The following AGBL1 variants were observed in gnomAD, a reference collection of about 807,000 sequenced individuals.
AGBL1 encodes the protein cytosolic carboxypeptidase 4.
AGBL1 carries 130 observed loss-of-function variants against 118.9 expected under a neutral mutation model. That is an observed-to-expected ratio of 1.09 (90% CI 0.95 to 1.26). The LOEUF (loss-of-function observed/expected upper bound fraction) is 1.26, where lower values mean the gene tolerates loss of function less well. Ranked by LOEUF, AGBL1 falls within the 50% of genes most tolerant of loss-of-function variation. The probability of loss-of-function intolerance (pLI) is 0.00; values close to 1 mark genes in which losing one functional copy is unlikely to be tolerated. For missense variants in AGBL1, 1,584 were observed against 1,298.1 expected (o/e 1.22, Z -3.38); for synonymous variants, 555 against 478.9 (o/e 1.16, Z -2.08).
At chr15:86,557,564 G>A (rs764583737) in intron 21 of AGBL1, among the ~76,000 whole-genome samples, 4 of 152,130 alleles carry the variant, frequency 2.6e-5, no homozygotes, top group African/African-American at 4.8e-5. Flanking sequence ...CTCTACCTGC[G>A]AGCTGCATCC....
chr15:86,911,189 T>G lies in AGBL1; in HGVS notation c.*3895T>G, dbSNP rs1258555856. 1 of 152,516 alleles carries G rather than the reference T, an allele frequency of 6.6e-6. No individual in the cohort carries two copies. Among genetic ancestry groups the G allele is most frequent in the Admixed American group, 6.5e-5 (1 of 15,278 alleles). The allele number at this position is 152,516 out of a possible 1,614,324, so 9.4% of individuals were successfully genotyped here. On this transcript the variant is annotated 3_prime_UTR_variant, in exon 23 of 23. Coordinates refer to ENST00000614907, the MANE Select transcript of AGBL1 (RefSeq NM_001386094.1). ...GTTGGGGCAGGCCAAGTGCATGCTG[T>G]CCTGTACCAACTGTCATCCGGTGCT...
At chr15:86,645,966 C>T (rs759069014) in intron 21 of AGBL1, among the ~76,000 whole-genome samples, 1 of 152,176 alleles carries the variant, frequency 6.6e-6, no homozygotes, top group African/African-American at 2.4e-5. Context: ...CTTCTGACCA[C>T]ATGTCAATCA....
intron 20 of AGBL1, among the ~76,000 whole-genome samples, chr15:86,553,360 T>C (rs911117738): frequency 1.2e-4 from 19 of 152,078 alleles, no homozygotes; most frequent in Non-Finnish European, 5.9e-5. Flanking sequence ...TCAATCAGGG[T>C]GTCAAGTGTC....
At chr15:86,145,246 C>T (rs990644614) in intron 3 of AGBL1, among the ~76,000 whole-genome samples, 1 of 152,204 alleles carries the variant, frequency 6.6e-6, no homozygotes, top group Non-Finnish European at 1.5e-5. Context: ...ATTCAATCCA[C>T]TACAAGTCAC....
chr15:86,993,730 A>G (rs1248381885), intron 24 of AGBL1, among the ~76,000 whole-genome samples: 1 of 152,178 alleles, frequency 6.6e-6, no homozygotes, highest in Non-Finnish European at 1.5e-5. Flanking sequence ...ATCTATCTAA[A>G]TCCAACAGTT....
chr15:86,809,149 A>G (rs956587168), intron 22 of AGBL1, among the ~76,000 whole-genome samples: 11 of 152,194 alleles, frequency 7.2e-5, no homozygotes, highest in African/African-American at 2.4e-4. Flanking sequence ...CCGGCTAGAC[A>G]GTGACAGATT....
chr15:86,906,324 T>G (rs2080279191), intron 22 of AGBL1, among the ~76,000 whole-genome samples: 1 of 152,354 alleles, frequency 6.6e-6, no homozygotes, highest in Middle Eastern at 3.4e-3. Flanking sequence ...AAAGTTTTTG[T>G]TAATGTTCGT....
chr15:86,388,140 C>G (rs2081224042), intron 17 of AGBL1, among the ~76,000 whole-genome samples: 1 of 152,128 alleles, frequency 6.6e-6, no homozygotes. Flanking sequence ...GCAGACAAAC[C>G]CTGCTCATCT....
intron 22 of AGBL1, among the ~76,000 whole-genome samples, chr15:86,855,846 G>A (rs2141469079): frequency 6.6e-6 from 1 of 152,244 alleles, no homozygotes; most frequent in East Asian, 1.9e-4. Flanking sequence ...TCCTCATCTG[G>A]GACCCCTGCT....
chr15:86,290,434 T>C (rs933632075), intron 16 of AGBL1, among the ~76,000 whole-genome samples: 1 of 150,282 alleles, frequency 6.7e-6, no homozygotes, highest in Non-Finnish European at 1.5e-5. Context: ...CACTGCAGCC[T>C]TGACCTCCCA....
intron 22 of AGBL1, among the ~76,000 whole-genome samples, chr15:86,826,291 A>G (rs1221147085): frequency 6.6e-6 from 1 of 152,154 alleles, no homozygotes; most frequent in Non-Finnish European, 1.5e-5. Context: ...AGAGTAGAAG[A>G]TAATCTCAAT....
chr15:86,879,076 T>C (rs1015678953), intron 22 of AGBL1, among the ~76,000 whole-genome samples: 3 of 152,244 alleles, frequency 2.0e-5, no homozygotes, highest in African/African-American at 7.2e-5. Flanking sequence ...GGCAGAAGTC[T>C]TTTCATAGGG....
chr15:86,511,165 T>G (rs191305798), intron 18 of AGBL1, among the ~76,000 whole-genome samples: 5 of 152,192 alleles, frequency 3.3e-5, no homozygotes, highest in Non-Finnish European at 7.4e-5. Context: ...GAAACAAACT[T>G]GTCAAATGGG....
intron 22 of AGBL1, among the ~76,000 whole-genome samples, chr15:86,865,456 A>G (rs2079613194): frequency 6.6e-6 from 1 of 152,216 alleles, no homozygotes; most frequent in African/African-American, 2.4e-5. Context: ...CCTTGGCATA[A>G]TTGGACCGGA....
chr15:86,380,558 C>G (rs752583994), intron 17 of AGBL1, among the ~76,000 whole-genome samples: 1 of 151,052 alleles, frequency 6.6e-6, no homozygotes, highest in Non-Finnish European at 1.5e-5. Flanking sequence ...CTTCTTCCTC[C>G]GTCCCTTTCC....
At chr15:86,151,540 C>T (rs2077110953) in intron 3 of AGBL1, among the ~76,000 whole-genome samples, 1 of 152,066 alleles carries the variant, frequency 6.6e-6, no homozygotes, top group Non-Finnish European at 1.5e-5. Context: ...ATAATCAGAG[C>T]TATTTATGAC....
chr15:86,118,488 C>T (rs539548456), intron 1 of AGBL1, among the ~76,000 whole-genome samples: 1 of 145,738 alleles, frequency 6.9e-6, no homozygotes, highest in Non-Finnish European at 1.5e-5. Flanking sequence ...AAAAAAAAGG[C>T]AATGAGAAGT....
At chr15:86,668,436 A>G (rs1165149817) in intron 21 of AGBL1, among the ~76,000 whole-genome samples, 1 of 152,126 alleles carries the variant, frequency 6.6e-6, no homozygotes, top group African/African-American at 2.4e-5. Flanking sequence ...AATGCAATAT[A>G]CTCATTTCTT....
chr15:86,612,325 T>C (rs12595578), intron 21 of AGBL1, among the ~76,000 whole-genome samples: 13,377 of 151,274 alleles, frequency 0.088, 747 homozygotes, highest in East Asian at 0.2. Flanking sequence ...TAAAGGCATA[T>C]TAACAAAAAA....
Sources: allele counts gnomAD v4.1 joint callset (sites outside exome capture counted in the v4.1 genomes callset), GRCh38; gene constraint gnomAD v4.1.1; transcripts MANE v1.5; gene names NCBI Gene and HGNC (gene_info 2026-07-23, HGNC 2026-07-21).